CACNA2D3: variants seen among roughly 807,000 people sequenced by gnomAD.
The protein encoded by CACNA2D3 is voltage-dependent calcium channel subunit alpha-2/delta-3.
A neutral mutation model predicts 160.6 loss-of-function variants in CACNA2D3; 60 were observed. That is an observed-to-expected ratio of 0.37 (90% confidence interval 0.30 to 0.46). The LOEUF is 0.46. CACNA2D3 is among the 20% of genes least tolerant of loss of function. The pLI, the probability that CACNA2D3 is intolerant of heterozygous loss-of-function variation, is 1.00. For missense variants in CACNA2D3, 1,205 were observed against 1,365.0 expected (o/e 0.88, Z 1.85); for synonymous variants, 558 against 492.9 (o/e 1.13, Z -1.75).
intron 13 of CACNA2D3, among the ~76,000 whole-genome samples, chr3:54,802,940 A>G (rs1165009773): frequency 6.6e-6 from 1 of 152,228 alleles, no homozygotes; most frequent in Non-Finnish European, 1.5e-5. Flanking sequence ...GCTGTTACCC[A>G]GTCAAACAGG....
intron 11 of CACNA2D3, among the ~76,000 whole-genome samples, chr3:54,667,296 A>G (rs1392391925): frequency 6.6e-6 from 1 of 152,106 alleles, no homozygotes; most frequent in Non-Finnish European, 1.5e-5. Context: ...AGTGAACTGT[A>G]TGAATTGGTT....
intron 35 of CACNA2D3, among the ~76,000 whole-genome samples, chr3:55,051,765 G>A (rs528358268): frequency 2.6e-4 from 40 of 152,274 alleles, no homozygotes; most frequent in African/African-American, 8.9e-4. Context: ...AGACTCCGTG[G>A]GCGTAGGACC....
intron 35 of CACNA2D3, among the ~76,000 whole-genome samples, chr3:55,036,132 A>G (rs897848515): frequency 6.6e-6 from 1 of 152,182 alleles, no homozygotes; most frequent in Non-Finnish European, 1.5e-5. Flanking sequence ...ACCACTTGGC[A>G]TAGTCTATTA....
rs368901858 is a variant in CACNA2D3, at chr3:54,476,393, T to C, written c.382-27099T>C. On this transcript the variant is annotated intron_variant, in intron 4 of 37. Transcript: ENST00000474759. ...TGGGTGTGCAGCTGTCTCTTTGAGA[T>C]AGTGATTTACTCCCTTTTGATATAC... Among the ~76,000 whole-genome samples, 12 of 151,962 alleles carry C rather than the reference T, an allele frequency of 7.9e-5. 1 individual carries two copies. The East Asian group carries it at 1.9e-3, about 24-fold the overall frequency.
At chr3:54,131,215 G>C (rs1174409532) in intron 2 of CACNA2D3, among the ~76,000 whole-genome samples, 1 of 152,224 alleles carries the variant, frequency 6.6e-6, no homozygotes, top group Non-Finnish European at 1.5e-5. Context: ...CCAGGCATTG[G>C]CATGTAGGCA....
intron 5 of CACNA2D3, among the ~76,000 whole-genome samples, chr3:54,533,756 G>A (rs1354236512): frequency 1.3e-5 from 2 of 151,980 alleles, no homozygotes; most frequent in Non-Finnish European, 2.9e-5. Context: ...GGGTCATGGT[G>A]TGTGCAGTTT....
intron 10 of CACNA2D3, among the ~76,000 whole-genome samples, chr3:54,640,970 A>G (rs191640740): frequency 1.6e-3 from 245 of 152,100 alleles, no homozygotes; most frequent in African/African-American, 5.4e-3. Context: ...AGGTTGTGCA[A>G]TCCTAGACTC....
intron 13 of CACNA2D3, among the ~76,000 whole-genome samples, chr3:54,792,321 T>G (rs2106649763): frequency 6.6e-6 from 1 of 152,262 alleles, no homozygotes; most frequent in Middle Eastern, 3.4e-3. Context: ...GCATGCAGAA[T>G]TTTGGGACTC....
At chr3:54,463,549 C>T (rs960208123) in intron 4 of CACNA2D3, among the ~76,000 whole-genome samples, 1 of 152,194 alleles carries the variant, frequency 6.6e-6, no homozygotes, top group African/African-American at 2.4e-5. Flanking sequence ...GATACCCTTT[C>T]TTCCAGTTGA....
chr3:54,541,851 A>C (rs188203514), intron 5 of CACNA2D3, among the ~76,000 whole-genome samples: 1 of 152,004 alleles, frequency 6.6e-6, no homozygotes, highest in Admixed American at 6.5e-5. Flanking sequence ...GATTTAGGTG[A>C]TGGTTTCATA....
chr3:54,893,017 T>C (rs999311551), intron 25 of CACNA2D3, among the ~76,000 whole-genome samples: 2 of 152,240 alleles, frequency 1.3e-5, no homozygotes, highest in Admixed American at 6.5e-5. Flanking sequence ...GACTCATGCC[T>C]GTAATCCCAG....
chr3:54,606,385 G>A (rs1246278575), intron 9 of CACNA2D3, among the ~76,000 whole-genome samples: 9 of 152,144 alleles, frequency 5.9e-5, no homozygotes, highest in South Asian at 2.1e-4. Context: ...AGGACAACCA[G>A]TTAGAAGGTT....
intron 11 of CACNA2D3, among the ~76,000 whole-genome samples, chr3:54,650,565 A>T (rs998735412): frequency 6.6e-6 from 1 of 152,194 alleles, no homozygotes; most frequent in East Asian, 1.9e-4. Flanking sequence ...AGGTTTCACC[A>T]TATTAGCCAG....
In CACNA2D3 at chr3:54,513,747, C is replaced by G. The variant is rs143129426; in HGVS notation, c.544+10093C>G. On this transcript the variant is annotated intron_variant, in intron 5 of 37. Coordinates refer to ENST00000474759, the MANE Select transcript of CACNA2D3 (RefSeq NM_018398.3). ...CCAGGCTGGAGTGCAGTGGTGCGAT[C>G]TCAGCTCATTGCAACCTCTGCCTCC... is the stretch of plus-strand genomic sequence containing the variant. Among the ~76,000 whole-genome samples the G allele has an allele frequency of 7.5e-3, 1,148 of 152,262 alleles. 11 individuals carry two copies. Among genetic ancestry groups the G allele is most frequent in the African/African-American group, 0.025 (1,043 of 41,532 alleles).
intron 12 of CACNA2D3, among the ~76,000 whole-genome samples, chr3:54,763,739 ATATATG>A (rs1266597741): frequency 2.5e-5 from 2 of 81,448 alleles, no homozygotes; most frequent in African/African-American, 6.5e-5. Context: ...ATATATGTGT[ATATATG>A]TGCATATATA....
chr3:54,288,955 C>A (rs1413517044), intron 2 of CACNA2D3, among the ~76,000 whole-genome samples: 1 of 152,006 alleles, frequency 6.6e-6, no homozygotes, highest in Non-Finnish European at 1.5e-5. Context: ...AAACCCACAG[C>A]CAATATCATA....
At chr3:54,783,689 C>A (rs963627019) in intron 13 of CACNA2D3, among the ~76,000 whole-genome samples, 1 of 151,872 alleles carries the variant, frequency 6.6e-6, no homozygotes. Context: ...ATTATGTTTC[C>A]CATAGCCTTG....
chr3:54,853,011 C>T (rs1350841313), intron 17 of CACNA2D3, among the ~76,000 whole-genome samples: 1 of 152,124 alleles, frequency 6.6e-6, no homozygotes, highest in Non-Finnish European at 1.5e-5. Flanking sequence ...TCCTTTCGTC[C>T]GTTCCTCAGA....
chr3:55,023,072 ATTCT>A (rs1255869395), intron 35 of CACNA2D3, among the ~76,000 whole-genome samples: 4 of 152,114 alleles, frequency 2.6e-5, no homozygotes, highest in Non-Finnish European at 5.9e-5. Context: ...ATAAATTCTC[ATTCT>A]TTGTCTAAAA....
Sources: allele counts gnomAD v4.1 joint callset (sites outside exome capture counted in the v4.1 genomes callset), GRCh38; gene constraint gnomAD v4.1.1; transcripts MANE v1.5; gene names NCBI Gene and HGNC (gene_info 2026-07-23, HGNC 2026-07-21).